CREG2: variants seen among roughly 807,000 people sequenced by gnomAD.
CREG2 encodes cellular repressor of E1A stimulated genes 2.
A neutral mutation model predicts 26.2 loss-of-function variants in CREG2; 24 were observed. That is an observed-to-expected ratio of 0.92 (90% CI 0.66 to 1.29). The LOEUF (loss-of-function observed/expected upper bound fraction) is 1.29. CREG2 is among the 50% of genes most tolerant of loss of function. CREG2 has a pLI of 0.00. For missense variants in CREG2, 366 were observed against 398.6 expected (o/e 0.92, Z 0.70); for synonymous variants, 174 against 169.2 (o/e 1.03, Z -0.22).
chr2:101,380,681 T>C (rs765947764), intron 2 of CREG2, among the ~76,000 whole-genome samples: 11 of 152,186 alleles, frequency 7.2e-5, no homozygotes, highest in Non-Finnish European at 1.6e-4. Flanking sequence ...CCGTGGCTCA[T>C]GCCTGTAATC....
Position 101,368,714 on chromosome 2 carries a change from C to T in CREG2, c.612-13348G>A, listed in dbSNP as rs543676180. 7.4e-4 allele frequency among the ~76,000 whole-genome samples: 112 copies of T among 152,328 alleles called. 1 individual carries two copies. Among genetic ancestry groups the T allele is most frequent in the African/African-American group, 2.7e-3 (111 of 41,574 alleles). ...AGGGAAAGCACGCTAGACAAAAGTGCTTCCAACCCTCCTGAATGGGATTAG... is the reference window on the plus strand; with the variant it reads ...AGGGAAAGCACGCTAGACAAAAGTGTTTCCAACCCTCCTGAATGGGATTAG... On this transcript the variant is annotated intron_variant, in intron 2 of 3. Coordinates refer to ENST00000324768, the MANE Select transcript of CREG2 (RefSeq NM_153836.4).
rs747205559 is a variant in CREG2 at position 101,355,371 on chromosome 2, A to C, written c.612-5T>G. The C allele has an allele frequency of 3.1e-6, 5 of 1,594,362 alleles. No homozygotes were observed. Among genetic ancestry groups the C allele is most frequent in the Non-Finnish European group, 4.3e-6 (5 of 1,162,442 alleles). ...TCCGGATCAACGATGTTTTTTCTGC[A>C]TGTGAAAAACATTTTTTGTATATCA... is the stretch of plus-strand genomic sequence containing the variant. On this transcript the variant is annotated splice_region_variant and splice_polypyrimidine_tract_variant and intron_variant, in intron 2 of 3. Coordinates refer to ENST00000324768, the MANE Select transcript of CREG2 (RefSeq NM_153836.4).
In CREG2 at chr2:101,387,180, C is replaced by G. The variant is rs1296126851; in HGVS notation, c.278G>C (p.Arg93Pro). The G allele has an allele frequency of 6.0e-6, 8 of 1,327,318 alleles. No homozygotes were observed. Among genetic ancestry groups the G allele is most frequent in the Non-Finnish European group, 7.8e-6 (8 of 1,030,454 alleles). 82.2% of individuals were successfully genotyped at this position (1,327,318 alleles called of 1,614,324 possible). A position where few individuals can be genotyped will look rare whatever the true frequency, so the allele number is the denominator to read the frequency against. Residue 93 changes from arginine (R) to proline (P), a missense_variant, in exon 1 of 4, where the codon CGG becomes CCG. This residue lies in a region of CREG2 where 177 missense variants were observed against 183.3 expected (regional missense o/e 0.97). Transcript: ENST00000324768. This position sits in a 1 kb window ranked among gnomAD's most constrained non-coding sequence, Gnocchi z 4.7. ...AHLRPRAGAA[R>P]ARPPPAPPGM... is the part of the protein sequence containing the mutation. ...GGGTGGCGCGGGGGGCGGCCTGGCC[C>G]GGGCGGCGCCCGCCCGGGGCCGCAG...
In CREG2 at chr2:101,349,420, G is replaced by A. The variant is rs181649950; in HGVS notation, c.*1503C>T. On this transcript the variant is annotated 3_prime_UTR_variant, in exon 4 of 4. Transcript: ENST00000324768. ...CTCTCGTCGTATGTTATTTTGTTAA[G>A]CAAAAGTTCATAATCATTAATAACA... 122 of 152,656 alleles carry A rather than the reference G, an allele frequency of 8.0e-4. No homozygotes were observed. The highest frequency in any genetic ancestry group is 2.7e-3 in the African/African-American group (112 of 41,548). The allele number at this position is 152,656 out of a possible 1,614,324, so 9.5% of individuals were successfully genotyped here.
chr2:101,345,863 A>C lies in CREG2; in HGVS notation c.*5060T>G, dbSNP rs374748982. On this transcript the variant is annotated 3_prime_UTR_variant, in exon 4 of 4. Coordinates refer to ENST00000324768, the MANE Select transcript of CREG2 (RefSeq NM_153836.4). ...TTTTTTTTTTAAGAGACAAAGTCTC[A>C]CTCTATCACTCAAGTGTGGTGGCAT... The C allele has an allele frequency of 2.6e-5, 4 of 151,246 alleles. No individual in the cohort carries two copies. The South Asian group carries it at 6.2e-4, about 24-fold the overall frequency. 9.4% of individuals were successfully genotyped at this position (151,246 alleles called of 1,614,324 possible). A position where few individuals can be genotyped will look rare whatever the true frequency, so the allele number is the denominator to read the frequency against.
intron 1 of CREG2, among the ~76,000 whole-genome samples, chr2:101,386,206 G>A (rs574464144): frequency 6.6e-6 from 1 of 152,356 alleles, no homozygotes; most frequent in African/African-American, 2.4e-5. Context: ...CACAGTCTTG[G>A]TGAGACCCAG....
rs1469639769 is a variant in CREG2 at position 101,387,477 on chromosome 2, G to A, written c.-20C>T. ...GGACATCTTGCAGGCAGCACGCCCG[G>A]CCGCCGGGGCCGCCAGCAGCGCTAG... On this transcript the variant is annotated 5_prime_UTR_variant, in exon 1 of 4. Transcript: ENST00000324768. This position sits in a 1 kb window ranked among gnomAD's most constrained non-coding sequence, Gnocchi z 4.7. 5 of 921,236 alleles carry A rather than the reference G, an allele frequency of 5.4e-6. No homozygotes were observed. The highest frequency in any genetic ancestry group is 1.7e-5 in the African/African-American group (1 of 57,434). 57.1% of individuals were successfully genotyped at this position (921,236 alleles called of 1,614,324 possible). A position where few individuals can be genotyped will look rare whatever the true frequency, so the allele number is the denominator to read the frequency against.
At chr2:101,362,895 A>C (rs1024224958) in intron 2 of CREG2, among the ~76,000 whole-genome samples, 3 of 152,092 alleles carry the variant, frequency 2.0e-5, no homozygotes, top group African/African-American at 7.2e-5. Flanking sequence ...GCCCAGAGGG[A>C]TGTCCTTCCT....
intron 2 of CREG2, among the ~76,000 whole-genome samples, chr2:101,364,592 G>A (rs1218592279): frequency 6.6e-6 from 1 of 152,196 alleles, no homozygotes; most frequent in African/African-American, 2.4e-5. Flanking sequence ...GAACGTTTAG[G>A]TTTGTTCTTT....
intron 2 of CREG2, among the ~76,000 whole-genome samples, chr2:101,374,876 T>A (rs968732425): frequency 2.0e-5 from 3 of 152,118 alleles, no homozygotes; most frequent in African/African-American, 4.8e-5. Context: ...ATTTCCAGAA[T>A]CTCTTTTTAC....
intron 2 of CREG2, among the ~76,000 whole-genome samples, chr2:101,368,168 T>G (rs6543037): frequency 0.84 from 127,570 of 151,408 alleles, 54,511 homozygotes; most frequent in East Asian, 1. Flanking sequence ...TGCACCTGTG[T>G]TCCCAGCTAC....
chr2:101,368,439 C>T (rs1405768104), intron 2 of CREG2, among the ~76,000 whole-genome samples: 1 of 152,160 alleles, frequency 6.6e-6, no homozygotes, highest in Admixed American at 6.5e-5. Flanking sequence ...TCATATGCAA[C>T]CAATAAATGG....
At chr2:101,354,867 T>C (rs1684432396) in intron 3 of CREG2, among the ~76,000 whole-genome samples, 1 of 151,972 alleles carries the variant, frequency 6.6e-6, no homozygotes, top group South Asian at 2.1e-4. Flanking sequence ...AGCCTACTGA[T>C]GTAAGAGCGA....
intron 2 of CREG2, among the ~76,000 whole-genome samples, chr2:101,381,771 G>A (rs550323669): frequency 2.0e-5 from 3 of 152,158 alleles, no homozygotes; most frequent in Admixed American, 6.5e-5. Context: ...CTCCAGCCTC[G>A]AGCTGCCTCA....
intron 2 of CREG2, among the ~76,000 whole-genome samples, chr2:101,366,821 C>G (rs1684624848): frequency 1.3e-5 from 2 of 151,422 alleles, no homozygotes. Context: ...GACTCTGTCT[C>G]AATAATAATA....
chr2:101,381,469 C>T (rs572558358), intron 2 of CREG2, among the ~76,000 whole-genome samples: 3 of 152,324 alleles, frequency 2.0e-5, no homozygotes, highest in Admixed American at 2.0e-4. Flanking sequence ...TGGGCTTACG[C>T]CGATTATGGG....
At chr2:101,359,612 A>G (rs955963620) in intron 2 of CREG2, among the ~76,000 whole-genome samples, 1 of 152,186 alleles carries the variant, frequency 6.6e-6, no homozygotes, top group African/African-American at 2.4e-5. Context: ...ACCACCTGAT[A>G]GTCACCCGAC....
At chr2:101,355,760 C>T (rs552603391) in intron 2 of CREG2, among the ~76,000 whole-genome samples, 1 of 152,060 alleles carries the variant, frequency 6.6e-6, no homozygotes, top group Admixed American at 6.5e-5. Flanking sequence ...AGGGGGAGTA[C>T]ACAGGTGAGC....
chr2:101,381,921 C>G (rs1343556448), intron 2 of CREG2, among the ~76,000 whole-genome samples: 1 of 152,214 alleles, frequency 6.6e-6, no homozygotes, highest in Non-Finnish European at 1.5e-5. Context: ...AATCCTCTCC[C>G]CATGAGGACC....
Sources: gnomAD v4.1 joint callset for allele counts (sites outside exome capture counted in the v4.1 genomes callset) on GRCh38, gnomAD v4.1.1 for gene constraint, gnomAD v4.1.1 regional missense constraint, Gnocchi (gnomAD v3.1) non-coding constraint, MANE v1.5 for transcripts, NCBI Gene and HGNC (gene_info 2026-07-23, HGNC 2026-07-21) for gene names.